Variants in ASIC2 observed in about 807,000 individuals in gnomAD.
ASIC2 encodes the protein acid sensing ion channel subunit 2, also known as acid-sensing ion channel 2.
A neutral mutation model predicts 57.3 loss-of-function variants in ASIC2; 25 were observed. That is an observed-to-expected ratio of 0.44 (90% CI 0.32 to 0.61). The LOEUF (loss-of-function observed/expected upper bound fraction) is 0.61. Ranked by LOEUF, ASIC2 falls within the 20% of genes least tolerant of loss-of-function variation. The pLI is 0.06. For synonymous variants in ASIC2, 319 were observed against 307.5 expected, an observed-to-expected ratio of 1.04 and a Z score of -0.39; for missense variants, 641 against 738.1, an observed-to-expected ratio of 0.87 and a Z score of 1.52.
chr17:33,249,289 T>C, intron 1 of ASIC2, among the ~76,000 whole-genome samples: 1 of 151,788 alleles, frequency 6.6e-6, no homozygotes, highest in Non-Finnish European at 1.5e-5. Context: ...CGTGGTGAGA[T>C]GTCTAAACAT....
intron 1 of ASIC2, among the ~76,000 whole-genome samples, chr17:34,067,574 C>A (rs1235660782): frequency 5.7e-4 from 87 of 152,148 alleles, no homozygotes; most frequent in Non-Finnish European, 1.3e-4. Context: ...TAATTTATTT[C>A]TAAAAAAACT....
chr17:33,672,009 C>G (rs1305502653), intron 1 of ASIC2, among the ~76,000 whole-genome samples: 1 of 152,152 alleles, frequency 6.6e-6, no homozygotes, highest in East Asian at 1.9e-4. Context: ...CTTTTCCCCC[C>G]CTATTCATTT....
At chr17:33,971,640 C>T (rs1643922090) in intron 1 of ASIC2, among the ~76,000 whole-genome samples, 2 of 152,070 alleles carry the variant, frequency 1.3e-5, no homozygotes, top group African/African-American at 2.4e-5. Flanking sequence ...CATGTAAGGA[C>T]ACACAAACAC....
chr17:33,367,598 G>A (rs987496802), intron 1 of ASIC2, among the ~76,000 whole-genome samples: 2 of 152,144 alleles, frequency 1.3e-5, no homozygotes, highest in African/African-American at 4.8e-5. Context: ...TGCTGTCAGG[G>A]GTACTCACTC....
intron 1 of ASIC2, among the ~76,000 whole-genome samples, chr17:34,045,513 TTCAAGAC>T (rs936854161): frequency 5.3e-5 from 8 of 152,212 alleles, no homozygotes; most frequent in Non-Finnish European, 5.9e-5. Flanking sequence ...ATGGAAAAAC[TTCAAGAC>T]CACTGACCAA....
At chr17:33,221,755 C>T (rs763209933) in intron 1 of ASIC2, among the ~76,000 whole-genome samples, 9 of 151,442 alleles carry the variant, frequency 5.9e-5, no homozygotes, top group Non-Finnish European at 1.0e-4. Flanking sequence ...TCGTAAGATA[C>T]TTTTTTTTTC....
At chr17:33,527,159 T>C (rs1367233061) in intron 1 of ASIC2, among the ~76,000 whole-genome samples, 1 of 152,184 alleles carries the variant, frequency 6.6e-6, no homozygotes, top group Non-Finnish European at 1.5e-5. Flanking sequence ...GGAGAAATAC[T>C]GTTCTTCTTC....
intron 1 of ASIC2, among the ~76,000 whole-genome samples, chr17:33,280,254 A>C (rs1440447924): frequency 6.6e-6 from 1 of 152,188 alleles, no homozygotes; most frequent in Non-Finnish European, 1.5e-5. Flanking sequence ...GATGTGAAAA[A>C]TGCAGTCATG....
At chr17:33,108,942 G>A (rs1481603012) in intron 2 of ASIC2, among the ~76,000 whole-genome samples, 1 of 152,238 alleles carries the variant, frequency 6.6e-6, no homozygotes, top group East Asian at 1.9e-4. Flanking sequence ...GTTGTCAGAA[G>A]CTGTTTTCAA....
intron 1 of ASIC2, among the ~76,000 whole-genome samples, chr17:33,803,300 A>G (rs1050593707): frequency 1.3e-5 from 2 of 151,084 alleles, no homozygotes; most frequent in African/African-American, 4.9e-5. Context: ...CTAACTTTAA[A>G]TGCATAAGGA....
At chr17:33,393,696 T>A (rs1305413644) in intron 1 of ASIC2, among the ~76,000 whole-genome samples, 1 of 152,126 alleles carries the variant, frequency 6.6e-6, no homozygotes, top group African/African-American at 2.4e-5. Context: ...CAGTTGGTGA[T>A]CTAAGTTATG....
chr17:33,774,169 T>A (rs1039811129), intron 1 of ASIC2, among the ~76,000 whole-genome samples: 2 of 152,214 alleles, frequency 1.3e-5, no homozygotes, highest in African/African-American at 2.4e-5. Flanking sequence ...AGTTAGGAAA[T>A]CTGCTCCCAA....
At chr17:33,144,437 C>T (rs1028540168) in intron 1 of ASIC2, among the ~76,000 whole-genome samples, 2 of 152,068 alleles carry the variant, frequency 1.3e-5, no homozygotes, top group African/African-American at 4.8e-5. Context: ...CTACAGCACT[C>T]CATCCTGCTT....
chr17:33,045,470 GT>G (rs1380109922), intron 3 of ASIC2, among the ~76,000 whole-genome samples: 1 of 152,178 alleles, frequency 6.6e-6, no homozygotes, highest in Non-Finnish European at 1.5e-5. Flanking sequence ...AGGGATGCAG[GT>G]GGGGAGGTGG....
At chr17:33,207,779 T>C (rs1410277818) in intron 1 of ASIC2, among the ~76,000 whole-genome samples, 2 of 152,072 alleles carry the variant, frequency 1.3e-5, no homozygotes, top group African/African-American at 2.4e-5. Flanking sequence ...CTCTCAGGAG[T>C]TGCTCTCCAC....
intron 3 of ASIC2, among the ~76,000 whole-genome samples, chr17:33,056,967 C>A (rs1173042640): frequency 6.6e-6 from 1 of 152,182 alleles, no homozygotes; most frequent in African/African-American, 2.4e-5. Flanking sequence ...TATTTATTTA[C>A]TTCCACAACA....
intron 1 of ASIC2, chr17:33,627,290 C>T (rs139675082): frequency 1.6e-3 from 243 of 152,342 alleles, no homozygotes; most frequent in African/African-American, 5.7e-3. Context: ...TCCTACCACT[C>T]TGTGTTATAA....
At chr17:33,575,651 A>T (rs544159509) in intron 1 of ASIC2, among the ~76,000 whole-genome samples, 4 of 152,292 alleles carry the variant, frequency 2.6e-5, no homozygotes, top group African/African-American at 9.6e-5. Context: ...ATAAATGTTA[A>T]CCCAGGGGCT....
intron 1 of ASIC2, among the ~76,000 whole-genome samples, chr17:33,741,369 C>G (rs1910106463): frequency 6.6e-6 from 1 of 152,160 alleles, no homozygotes; most frequent in South Asian, 2.1e-4. Context: ...CCCATTATGC[C>G]TGCTACACAG....
Sources: allele counts gnomAD v4.1 joint callset (sites outside exome capture counted in the v4.1 genomes callset), GRCh38; gene constraint gnomAD v4.1.1; transcripts MANE v1.5; gene names NCBI Gene and HGNC (gene_info 2026-07-23, HGNC 2026-07-21).